The following DPP6 variants were observed in gnomAD, a reference collection of about 807,000 sequenced individuals.
DPP6 encodes dipeptidyl peptidase like 6, also known as A-type potassium channel modulatory protein DPP6.
DPP6 carries 69 observed loss-of-function variants against 122.6 expected under a neutral mutation model. That is an observed-to-expected ratio of 0.56 (90% CI 0.46 to 0.69). The LOEUF (loss-of-function observed/expected upper bound fraction) is 0.69, where lower values mean the gene tolerates loss of function less well. DPP6 is among the 30% of genes least tolerant of loss of function. The pLI is 0.00. For synonymous variants in DPP6, 418 were observed against 433.1 expected, an observed-to-expected ratio of 0.97 and a Z score of 0.43; for missense variants, 928 against 1,116.9, an observed-to-expected ratio of 0.83 and a Z score of 2.41.
intron 1 of DPP6, among the ~76,000 whole-genome samples, chr7:153,908,226 T>G (rs951397264): frequency 5.3e-5 from 8 of 152,082 alleles, no homozygotes; most frequent in Non-Finnish European, 1.2e-4. Context: ...TATAAAGAAT[T>G]TTGGAAGTTT....
At chr7:154,662,548 C>T (rs1216722744) in intron 6 of DPP6, among the ~76,000 whole-genome samples, 3 of 53,902 alleles carry the variant, frequency 5.6e-5, no homozygotes, top group Non-Finnish European at 1.1e-4. Context: ...ATCACCATGG[C>T]GTATCAGCCG....
chr7:154,608,241 G>T (rs1465114249), intron 5 of DPP6, among the ~76,000 whole-genome samples: 1 of 149,998 alleles, frequency 6.7e-6, no homozygotes, highest in Non-Finnish European at 1.5e-5. Flanking sequence ...GCCTCCCAAA[G>T]TGCCAGGATT....
rs1466425622 is a variant in DPP6, at chr7:154,540,571, G to A, written c.497G>A (p.Arg166Lys). ...FIYREQKGTVRLWNVETNTST... is the reference protein window; with the variant it reads ...FIYREQKGTVKLWNVETNTST... Reference sequence around the variant, plus strand: ...TACAGAGAACAGAAAGGAACAGTGAGACTGTGGAATGTTGAAACAAATACT... The same window carrying A: ...TACAGAGAACAGAAAGGAACAGTGAAACTGTGGAATGTTGAAACAAATACT... Residue 166 changes from arginine to lysine, a missense_variant, in exon 4 of 26, where the codon AGA (arginine) becomes AAA (lysine). Coordinates refer to ENST00000377770, the MANE Select transcript of DPP6 (RefSeq NM_130797.4). The A allele has an allele frequency of 1.9e-6, 3 of 1,608,162 alleles. No homozygotes were observed. In the East Asian group the frequency reaches 6.7e-5, roughly 36 times the overall value.
At chr7:154,279,665 G>C (rs890502061) in intron 1 of DPP6, among the ~76,000 whole-genome samples, 1 of 152,210 alleles carries the variant, frequency 6.6e-6, no homozygotes, top group African/African-American at 2.4e-5. Context: ...GTTGGAAAAG[G>C]GTGTTGATGT....
intron 1 of DPP6, among the ~76,000 whole-genome samples, chr7:154,069,933 TC>T (rs1023395381): frequency 2.1e-5 from 3 of 142,840 alleles, no homozygotes; most frequent in African/African-American, 7.7e-5. Context: ...GCGCCTGTAG[TC>T]CCAGCTACTC....
intron 5 of DPP6, among the ~76,000 whole-genome samples, chr7:154,583,616 C>A (rs1832231616): frequency 6.6e-6 from 1 of 152,196 alleles, no homozygotes. Flanking sequence ...CCCAGGAAGC[C>A]TGTTAGAAAC....
intron 1 of DPP6, among the ~76,000 whole-genome samples, chr7:154,209,374 A>T (rs895617957): frequency 5.3e-5 from 8 of 152,172 alleles, no homozygotes; most frequent in Non-Finnish European, 1.0e-4. Flanking sequence ...CTCAGCCTCC[A>T]TGGATGTGTC....
At chr7:154,692,790 T>C (rs1384868554) in intron 7 of DPP6, among the ~76,000 whole-genome samples, 1 of 102,082 alleles carries the variant, frequency 9.8e-6, no homozygotes, top group African/African-American at 6.8e-5. Flanking sequence ...TCTTTTTTTT[T>C]TTTTTTTTTG....
At chr7:154,882,324 G>A (rs1191238472) in intron 21 of DPP6, among the ~76,000 whole-genome samples, 1 of 152,238 alleles carries the variant, frequency 6.6e-6, no homozygotes. Flanking sequence ...TGAGCTCCGT[G>A]CTGGGGATCT....
intron 16 of DPP6, among the ~76,000 whole-genome samples, chr7:154,824,439 C>T (rs1800010029): frequency 6.6e-6 from 1 of 152,116 alleles, no homozygotes; most frequent in Admixed American, 6.5e-5. Context: ...GCCACCACAC[C>T]CAGCTAATTT....
intron 8 of DPP6, among the ~76,000 whole-genome samples, chr7:154,749,938 A>G (rs1322262903): frequency 9.4e-5 from 10 of 106,344 alleles, no homozygotes; most frequent in African/African-American, 1.9e-4. Flanking sequence ...CGAGGGTGAG[A>G]GAGCATAGGA....
rs1316211905 is a variant in DPP6, at chr7:154,566,950, T to G, written c.627+34T>G. The G allele has an allele frequency of 2.1e-6, 3 of 1,459,528 alleles. No individual in the cohort carries two copies. The African/African-American group carries it at 4.2e-5, about 20-fold the overall frequency. 90.4% of individuals were successfully genotyped at this position (1,459,528 alleles called of 1,614,324 possible). A position where few individuals can be genotyped will look rare whatever the true frequency, so the allele number is the denominator to read the frequency against. ...TATCCTTTACTGCCTACAAAATAAT[T>G]GTTTCTTTATTCTAATATCTCATTA... On this transcript the variant is annotated intron_variant, in intron 5 of 25. Transcript: ENST00000377770.
chr7:154,022,812 T>C (rs1195527199), intron 1 of DPP6, among the ~76,000 whole-genome samples: 2 of 152,184 alleles, frequency 1.3e-5, no homozygotes, highest in Non-Finnish European at 2.9e-5. Flanking sequence ...TTGAAAGAAA[T>C]CTTAGTGCAG....
intron 3 of DPP6, among the ~76,000 whole-genome samples, chr7:154,518,720 G>A (rs1826732969): frequency 2.6e-5 from 4 of 152,162 alleles, no homozygotes; most frequent in Admixed American, 2.0e-4. Flanking sequence ...AGTTGTCCCT[G>A]GTTGGTTTCT....
At chr7:153,972,937 A>G (rs1229549696) in intron 1 of DPP6, among the ~76,000 whole-genome samples, 1 of 152,004 alleles carries the variant, frequency 6.6e-6, no homozygotes, top group Non-Finnish European at 1.5e-5. Context: ...GGAGGACTAT[A>G]AATCTACTTA....
In DPP6 at chr7:154,309,987, G is replaced by A. The variant is rs139560622; in HGVS notation, c.244-136227G>A. ...AACTGCTGAAGAATAGGGACACCAG[G>A]TTCTTAGGATTGTGTAGAAGTACAT... On this transcript the variant is annotated intron_variant, in intron 1 of 25. Transcript: ENST00000377770. Among the ~76,000 whole-genome samples the A allele has an allele frequency of 1.8e-3, 267 of 152,328 alleles. 2 individuals are homozygous for A. The highest frequency in any genetic ancestry group is 3.2e-3 in the Non-Finnish European group (215 of 68,040).
intron 1 of DPP6, among the ~76,000 whole-genome samples, chr7:153,963,154 G>A (rs2531100): frequency 3.9e-5 from 6 of 152,278 alleles, no homozygotes; most frequent in African/African-American, 1.2e-4. Flanking sequence ...GAGAGTAAAA[G>A]GGAAGCTAAT....
At chr7:154,747,909 G>A (rs1009572777) in intron 8 of DPP6, among the ~76,000 whole-genome samples, 5 of 152,204 alleles carry the variant, frequency 3.3e-5, no homozygotes, top group African/African-American at 1.2e-4. Context: ...TTGCTATATT[G>A]AGTGCTGTGG....
intron 1 of DPP6, among the ~76,000 whole-genome samples, chr7:154,328,641 C>A (rs780566802): frequency 6.6e-6 from 1 of 152,094 alleles, no homozygotes; most frequent in African/African-American, 2.4e-5. Context: ...AGAAAGGAGA[C>A]TTAGTGATCA....
Sources: gnomAD v4.1 joint callset for allele counts (sites outside exome capture counted in the v4.1 genomes callset) on GRCh38, gnomAD v4.1.1 for gene constraint, MANE v1.5 for transcripts, NCBI Gene and HGNC (gene_info 2026-07-23, HGNC 2026-07-21) for gene names.